Variants in ZNF536 observed in about 807,000 individuals in gnomAD.
The protein encoded by ZNF536 is zinc finger protein 536.
Under a neutral mutation model 84.5 loss-of-function variants are expected in ZNF536, and 13 were observed. The observed-to-expected ratio is 0.15, with a 90% CI of 0.10 to 0.24. The LOEUF (loss-of-function observed/expected upper bound fraction) is 0.24. Ranked by LOEUF, ZNF536 falls within the 10% of genes least tolerant of loss-of-function variation. The pLI is 1.00. For missense variants in ZNF536, 1,536 were observed against 1,747.5 expected (o/e 0.88, Z 2.16); for synonymous variants, 811 against 742.5 (o/e 1.09, Z -1.50).
chr19:30,571,604 T>G (rs1418299595), intron 1 of ZNF536, among the ~76,000 whole-genome samples: 1 of 152,190 alleles, frequency 6.6e-6, no homozygotes, highest in Non-Finnish European at 1.5e-5. Flanking sequence ...GCCCCCTTCT[T>G]GGTGCTGGCC....
Position 30,589,326 on chromosome 19 carries a change from T to C in ZNF536, c.169+39812T>C, listed in dbSNP as rs376941374. ...ACCCTCTGTTGGCTCTTACAGGCCA[T>C]GAAAGGCAGCGATGTTGACTCTTCC... On this transcript the variant is annotated intron_variant, in intron 1 of 1. Coordinates refer to the ZNF536 transcript ENST00000592773. 1.7e-4 allele frequency among the ~76,000 whole-genome samples: 26 copies of C among 152,300 alleles called. 1 individual carries two copies. The highest frequency in any genetic ancestry group is 6.3e-4 in the African/African-American group (26 of 41,558).
At chr19:30,320,087 T>C (rs999452310) in intron 2 of ZNF536, among the ~76,000 whole-genome samples, 5 of 152,204 alleles carry the variant, frequency 3.3e-5, no homozygotes, top group South Asian at 2.1e-4. Context: ...GCAATCCCCA[T>C]GTTCTGACAT....
intron 1 of ZNF536, among the ~76,000 whole-genome samples, chr19:30,576,965 T>G (rs1549937): frequency 0.3 from 45,800 of 152,118 alleles, 6,933 homozygotes; most frequent in East Asian, 0.42. Flanking sequence ...TGCCTGGTTT[T>G]ATTTGTTTGG....
intron 2 of ZNF536, among the ~76,000 whole-genome samples, chr19:30,510,248 A>T (rs1181569672): frequency 6.6e-6 from 1 of 152,204 alleles, no homozygotes; most frequent in Non-Finnish European, 1.5e-5. Flanking sequence ...CAGCTATGAA[A>T]AGTGCACTGT....
At chr19:30,485,145 A>G (rs1026009028) in intron 2 of ZNF536, among the ~76,000 whole-genome samples, 8 of 148,044 alleles carry the variant, frequency 5.4e-5, no homozygotes, top group Admixed American at 4.7e-4. Flanking sequence ...CTCTGTCTCA[A>G]AAACATAAAT....
At chr19:30,521,298 G>A (rs2044310766) in intron 2 of ZNF536, among the ~76,000 whole-genome samples, 1 of 152,188 alleles carries the variant, frequency 6.6e-6, no homozygotes, top group Non-Finnish European at 1.5e-5. Flanking sequence ...GGGGCTGTGG[G>A]GACACTTTGC....
At chr19:30,529,380 AC>A (rs1015291788) in intron 2 of ZNF536, among the ~76,000 whole-genome samples, 1 of 152,068 alleles carries the variant, frequency 6.6e-6, no homozygotes, top group Non-Finnish European at 1.5e-5. Flanking sequence ...CGGGGCTTTA[AC>A]TTTTGAGAAG....
chr19:30,478,923 C>G (rs2053960822), intron 2 of ZNF536, among the ~76,000 whole-genome samples: 1 of 152,196 alleles, frequency 6.6e-6, no homozygotes, highest in Non-Finnish European at 1.5e-5. Flanking sequence ...TTTGGAAACT[C>G]ATCCTTCCGA....
intron 1 of ZNF536, among the ~76,000 whole-genome samples, chr19:30,651,653 T>C (rs1423330817): frequency 3.3e-5 from 5 of 152,210 alleles, no homozygotes; most frequent in Non-Finnish European, 5.9e-5. Context: ...CCAATTTCTG[T>C]AAAGATGCCA....
At chr19:30,373,303 T>C (rs1049512553) in intron 1 of ZNF536, among the ~76,000 whole-genome samples, 2 of 152,112 alleles carry the variant, frequency 1.3e-5, no homozygotes, top group Non-Finnish European at 2.9e-5. Context: ...AGTTCTCAGT[T>C]GGCACCTTTC....
At chr19:30,547,912 C>T (rs778720672) in intron 3 of ZNF536, 31 bp from the exon 4 acceptor site, 2 of 1,511,824 alleles carry the variant, frequency 1.3e-6, no homozygotes, top group East Asian at 4.6e-5. Context: ...AGATAAACGC[C>T]TCTTTTTTTT....
intron 1 of ZNF536, among the ~76,000 whole-genome samples, chr19:30,383,701 C>CTTTCTCTTTCTTTCTT (rs1555737833): frequency 3.5e-4 from 4 of 11,564 alleles, no homozygotes; most frequent in South Asian, 1.6e-3. Context: ...TCTTTTCTTT[C>CTTTCTCTTTCTTTCTT]TCTTTCTTTC....
At chr19:30,689,511 G>T (rs565385553) in intron 1 of ZNF536, among the ~76,000 whole-genome samples, 1 of 152,286 alleles carries the variant, frequency 6.6e-6, no homozygotes, top group African/African-American at 2.4e-5. Flanking sequence ...TAGAAAACTC[G>T]TTTATTTGGG....
chr19:30,554,146 T>C (rs891812547), intron 4 of ZNF536: 1 of 151,268 alleles, frequency 6.6e-6, no homozygotes, highest in South Asian at 2.1e-4. Context: ...TTTTTATGTG[T>C]GATGAGATGA....
At chr19:30,439,430 G>GT (rs1391535628) in intron 1 of ZNF536, among the ~76,000 whole-genome samples, 1 of 152,162 alleles carries the variant, frequency 6.6e-6, no homozygotes, top group Non-Finnish European at 1.5e-5. Context: ...GCCGACCCAG[G>GT]TTTTGTGAGT....
chr19:30,318,574 C>T (rs17611570), intron 2 of ZNF536, among the ~76,000 whole-genome samples: 56,784 of 152,166 alleles, frequency 0.37, 10,870 homozygotes, highest in Middle Eastern at 0.46. Flanking sequence ...TCTTTGTATC[C>T]ACCTCTGACT....
At chr19:30,630,513 G>A (rs536291802) in intron 1 of ZNF536, among the ~76,000 whole-genome samples, 2 of 152,168 alleles carry the variant, frequency 1.3e-5, no homozygotes, top group Admixed American at 6.5e-5. Flanking sequence ...TTTCCTGGAA[G>A]AGAAAGGAGA....
At position 30,303,956 on chromosome 19, in the gene ZNF536, C is replaced by T. The variant is rs534668020; in HGVS notation, c.-120+19815C>T. 2.2e-3 allele frequency among the ~76,000 whole-genome samples: 341 copies of T among 152,240 alleles called. 4 individuals are homozygous for T. The highest frequency in any genetic ancestry group is 7.6e-3 in the African/African-American group (316 of 41,548). Reference sequence around the variant, plus strand: ...CTGTCATGGGGGCAAGCACACGTGCCAGGGAGTTAACACCTCTGGAGCACC... The same window carrying T: ...CTGTCATGGGGGCAAGCACACGTGCTAGGGAGTTAACACCTCTGGAGCACC... On this transcript the variant is annotated intron_variant, in intron 2 of 5. Transcript: ENST00000585628.
chr19:30,537,203 C>T (rs529501620), intron 3 of ZNF536, among the ~76,000 whole-genome samples: 6 of 152,198 alleles, frequency 3.9e-5, no homozygotes, highest in African/African-American at 9.6e-5. Context: ...TGCGTCAATT[C>T]GTGAAAGTGA....
Sources: allele counts gnomAD v4.1 joint callset (sites outside exome capture counted in the v4.1 genomes callset), GRCh38; gene constraint gnomAD v4.1.1; transcripts MANE v1.5; gene names NCBI Gene and HGNC (gene_info 2026-07-23, HGNC 2026-07-21).